VAC14: variants seen among roughly 807,000 people sequenced by gnomAD.
VAC14 encodes the protein protein VAC14 homolog.
In VAC14, 47 loss-of-function variants were observed where a neutral mutation model predicts 85.3. The observed-to-expected ratio is 0.55, with a 90% CI of 0.44 to 0.70. The LOEUF (loss-of-function observed/expected upper bound fraction) is 0.70, where lower values mean the gene tolerates loss of function less well. Ranked by LOEUF, VAC14 falls within the 30% of genes least tolerant of loss-of-function variation. The probability of loss-of-function intolerance (pLI) is 0.00; values close to 1 mark genes in which losing one functional copy is unlikely to be tolerated. For missense variants in VAC14, 861 were observed against 1,004.3 expected (o/e 0.86, Z 1.93); for synonymous variants, 447 against 430.5 (o/e 1.04, Z -0.47).
rs2142977070 is a variant in VAC14, at chr16:70,687,954, G to A, written c.2323C>T (p.His775Tyr). Reference sequence around the variant, plus strand: ...CAGAGGACAACCCTCCGGTCCAGGTGGTCCCCACGCCCGCTCCGCTGGTGC... The same window carrying A: ...CAGAGGACAACCCTCCGGTCCAGGTAGTCCCCACGCCCGCTCCGCTGGTGC... ...VRHQRSGRGDHLDRRVVL is the reference protein window; with the variant it reads ...VRHQRSGRGDYLDRRVVL The change falls in exon 19 of 19, where the codon CAC (histidine) becomes TAC (tyrosine). Residue 775 changes from histidine (H) to tyrosine (Y), a missense_variant. Physicochemically the swap from His to Tyr is moderately conservative, Grantham distance 83. Transcript: ENST00000261776. 1.3e-6 allele frequency: 2 copies of A among 1,578,074 alleles called. No individual in the cohort carries two copies. Among genetic ancestry groups the A allele is most frequent in the East Asian group, 2.3e-5 (1 of 42,698 alleles).
At chr16:70,746,696 C>T (rs2143014230) in intron 12 of VAC14, among the ~76,000 whole-genome samples, 1 of 152,344 alleles carries the variant, frequency 6.6e-6, no homozygotes, top group Admixed American at 6.5e-5. Context: ...AAGAAAGACA[C>T]AGGGCGGAGG....
At chr16:70,690,473 C>T (rs2053576861) in intron 18 of VAC14, 2 of 985,516 alleles carry the variant, frequency 2.0e-6, no homozygotes, top group Admixed American at 6.1e-5. Context: ...CCCACCCATG[C>T]ACCTGTTGCC....
chr16:70,742,427 C>T (rs533598532), intron 13 of VAC14, among the ~76,000 whole-genome samples: 49 of 152,330 alleles, frequency 3.2e-4, no homozygotes, highest in Admixed American at 1.6e-3. Flanking sequence ...GGCATTCCTG[C>T]CATCTGTCCC....
intron 18 of VAC14, chr16:70,691,998 C>T (rs2053606180): frequency 1.3e-5 from 13 of 984,834 alleles, no homozygotes; most frequent in Admixed American, 6.2e-5. Context: ...AAGCTGGGCG[C>T]GCTCCATTCA....
chr16:70,761,016 T>TGTGTGTGTGTGTGTGCGC (rs1413571677), intron 12 of VAC14: 2 of 300,868 alleles, frequency 6.6e-6, no homozygotes, highest in African/African-American at 4.2e-5. Context: ...TGTGTGTGTG[T>TGTGTGTGTGTGTGTGCGC]GTGCATGGGG....
chr16:70,703,698 G>T (rs907320680), intron 14 of VAC14, among the ~76,000 whole-genome samples: 1 of 152,208 alleles, frequency 6.6e-6, no homozygotes, highest in Non-Finnish European at 1.5e-5. Flanking sequence ...CTGGTTTTGT[G>T]CTGGGGGCGG....
At chr16:70,779,611 T>G (rs1223976537) in intron 9 of VAC14, among the ~76,000 whole-genome samples, 2 of 152,110 alleles carry the variant, frequency 1.3e-5, no homozygotes, top group Admixed American at 6.6e-5. Flanking sequence ...ATAACAGATG[T>G]TTGCTAAATG....
At chr16:70,794,602 G>T (rs976166323) in intron 1 of VAC14, among the ~76,000 whole-genome samples, 2 of 152,338 alleles carry the variant, frequency 1.3e-5, no homozygotes, top group African/African-American at 4.8e-5. Flanking sequence ...TGCTTTGCAG[G>T]AATGCGGGCC....
At chr16:70,715,874 G>GA (rs2054156481) in intron 14 of VAC14, 1 of 152,224 alleles carries the variant, frequency 6.6e-6, no homozygotes, top group African/African-American at 2.4e-5. Context: ...AAGGGAAAAA[G>GA]AAAATCCCAA....
intron 13 of VAC14, among the ~76,000 whole-genome samples, chr16:70,741,936 G>A (rs1253974890): frequency 6.6e-6 from 1 of 152,200 alleles, no homozygotes; most frequent in Admixed American, 6.5e-5. Flanking sequence ...GCCCACCAGG[G>A]ACCCCCGGGT....
At chr16:70,741,390 T>TG (rs1167993510) in intron 13 of VAC14, among the ~76,000 whole-genome samples, 105 of 151,652 alleles carry the variant, frequency 6.9e-4, no homozygotes, top group African/African-American at 2.3e-3. Context: ...GCAGCGGAGG[T>TG]GGGGGGGCGG....
intron 14 of VAC14, among the ~76,000 whole-genome samples, chr16:70,705,413 T>G (rs1170340813): frequency 6.6e-6 from 1 of 152,244 alleles, no homozygotes; most frequent in Non-Finnish European, 1.5e-5. Flanking sequence ...TCTGCGCAGG[T>G]GGGCCAACCT....
At chr16:70,707,803 T>C (rs2053950047) in intron 14 of VAC14, among the ~76,000 whole-genome samples, 1 of 146,668 alleles carries the variant, frequency 6.8e-6, no homozygotes, top group African/African-American at 2.5e-5. Context: ...CCTTTTTTCT[T>C]TTTTTTTTTT....
chr16:70,697,891 A>C (rs956907508), intron 15 of VAC14, among the ~76,000 whole-genome samples: 3 of 152,106 alleles, frequency 2.0e-5, no homozygotes, highest in Non-Finnish European at 1.5e-5. Flanking sequence ...GGGAGGGTGT[A>C]AGCAGGGTCT....
At chr16:70,717,256 G>C (rs925401103) in intron 14 of VAC14, among the ~76,000 whole-genome samples, 3 of 152,220 alleles carry the variant, frequency 2.0e-5, no homozygotes, top group Non-Finnish European at 4.4e-5. Flanking sequence ...CTGGGGTGCC[G>C]AGAGGGCCGG....
intron 1 of VAC14, among the ~76,000 whole-genome samples, chr16:70,790,364 A>C (rs1314558140): frequency 3.3e-5 from 5 of 152,244 alleles, no homozygotes; most frequent in Non-Finnish European, 7.4e-5. Context: ...CCACAGGTGG[A>C]GGGGAAGTAG....
chr16:70,721,678 C>T (rs889477149), intron 14 of VAC14, among the ~76,000 whole-genome samples: 5 of 152,074 alleles, frequency 3.3e-5, no homozygotes, highest in African/African-American at 1.2e-4. Context: ...TCAGCTCTGT[C>T]CCCGTCTGCT....
At chr16:70,799,992 C>T (rs762076556) in intron 1 of VAC14, among the ~76,000 whole-genome samples, 10 of 152,180 alleles carry the variant, frequency 6.6e-5, no homozygotes, top group Non-Finnish European at 1.3e-4. Context: ...TACAATTCAC[C>T]TTTTCTGACT....
At chr16:70,694,169 C>G (rs1329353870) in intron 17 of VAC14, among the ~76,000 whole-genome samples, 5 of 152,226 alleles carry the variant, frequency 3.3e-5, no homozygotes, top group Non-Finnish European at 7.4e-5. Flanking sequence ...CAGCAAAGCC[C>G]TGGGCTTGAG....
Sources: gnomAD v4.1 joint callset for allele counts (sites outside exome capture counted in the v4.1 genomes callset) on GRCh38, gnomAD v4.1.1 for gene constraint, MANE v1.5 for transcripts, NCBI Gene and HGNC (gene_info 2026-07-23, HGNC 2026-07-21) for gene names.